Variants in CSMD3 observed in about 807,000 individuals in gnomAD.
CSMD3 encodes CUB and Sushi multiple domains 3.
A neutral mutation model predicts 435.2 loss-of-function variants in CSMD3; 177 were observed. The observed-to-expected ratio is 0.41, with a 90% CI of 0.36 to 0.46. The LOEUF (loss-of-function observed/expected upper bound fraction) is 0.46. Among genes scored for constraint, CSMD3 ranks in the 20% least tolerant of loss-of-function variants. CSMD3 has a pLI of 0.34. For missense variants in CSMD3, 4,265 were observed against 4,504.6 expected (o/e 0.95, Z 1.52); for synonymous variants, 1,656 against 1,520.5 (o/e 1.09, Z -2.07).
intron 1 of CSMD3, among the ~76,000 whole-genome samples, chr8:113,325,946 C>T (rs1191651138): frequency 6.6e-6 from 1 of 152,084 alleles, no homozygotes; most frequent in South Asian, 2.1e-4. Flanking sequence ...AATATTTCTT[C>T]CTAACATATT....
chr8:113,282,337 C>T (rs530444809), intron 2 of CSMD3, among the ~76,000 whole-genome samples: 2 of 151,948 alleles, frequency 1.3e-5, no homozygotes, highest in Non-Finnish European at 2.9e-5. Context: ...CTAAGGACTC[C>T]TCCAGAAAGC....
At chr8:113,326,229 T>A (rs766426216) in intron 1 of CSMD3, among the ~76,000 whole-genome samples, 23 of 152,176 alleles carry the variant, frequency 1.5e-4, no homozygotes, top group Non-Finnish European at 3.2e-4. Flanking sequence ...GCCCCCTTGT[T>A]TCTGACAGTC....
intron 8 of CSMD3, among the ~76,000 whole-genome samples, chr8:112,952,552 AAAC>A (rs1361406532): frequency 6.6e-6 from 1 of 151,648 alleles, no homozygotes; most frequent in Non-Finnish European, 1.5e-5. Flanking sequence ...ACTCTACTGC[AAAC>A]AACCATGAAA....
intron 22 of CSMD3, among the ~76,000 whole-genome samples, chr8:112,603,420 C>T (rs1376889051): frequency 1.3e-5 from 2 of 152,196 alleles, no homozygotes; most frequent in African/African-American, 4.8e-5. Flanking sequence ...ACTTGCAACA[C>T]TTGGGCTCAC....
intron 1 of CSMD3, among the ~76,000 whole-genome samples, chr8:113,375,544 C>CACACAA (rs2094376721): frequency 2.4e-5 from 3 of 123,208 alleles, no homozygotes; most frequent in Non-Finnish European, 5.2e-5. Flanking sequence ...CACACACACA[C>CACACAA]ACGTGTCATG....
At position 112,263,683 on chromosome 8, in the gene CSMD3, C is replaced by G. The variant is rs1447711245; in HGVS notation, c.9818G>C (p.Cys3273Ser). 6.2e-7 allele frequency: 1 copy of G among 1,613,556 alleles called. No individual in the cohort carries two copies. The highest frequency in any genetic ancestry group is 1.3e-5 in the African/African-American group (1 of 74,896). Residue 3273 changes from cysteine (C) to serine (S), a missense_variant, in exon 61 of 71, where the codon TGT (cysteine) becomes TCT (serine). Cys to Ser is a moderately radical substitution (Grantham distance 112). Coordinates refer to ENST00000297405, the MANE Select transcript of CSMD3 (RefSeq NM_198123.2). Reference protein sequence around the residue: ...YELSFPAVLTCVGNGTWSGEV... With the variant: ...YELSFPAVLTSVGNGTWSGEV... ...ACCACTCCAGGTACCATTCCCTACA[C>G]AGGTCAAAACAGCAGGGAAGGATAG...
At chr8:112,731,321 T>C (rs1225994639) in intron 13 of CSMD3, among the ~76,000 whole-genome samples, 4 of 152,128 alleles carry the variant, frequency 2.6e-5, no homozygotes, top group Non-Finnish European at 4.4e-5. Flanking sequence ...GGTCATACCA[T>C]AGTAATGACA....
intron 38 of CSMD3, among the ~76,000 whole-genome samples, chr8:112,380,141 A>G (rs1006596018): frequency 2.0e-5 from 3 of 152,218 alleles, no homozygotes; most frequent in Non-Finnish European, 4.4e-5. Context: ...CTTACTCAAC[A>G]ACAAAAAAAC....
chr8:112,600,647 A>G (rs1832255684), intron 22 of CSMD3, among the ~76,000 whole-genome samples: 1 of 152,074 alleles, frequency 6.6e-6, no homozygotes. Flanking sequence ...GTAAGGAAAC[A>G]TGTCATAATA....
chr8:112,903,727 T>C (rs949717534), intron 10 of CSMD3, among the ~76,000 whole-genome samples: 3 of 151,336 alleles, frequency 2.0e-5, no homozygotes, highest in African/African-American at 7.3e-5. Context: ...CAATCGTCCT[T>C]ATTCTTACTA....
At chr8:112,651,689 CA>C (rs1445140074) in intron 18 of CSMD3, among the ~76,000 whole-genome samples, 2 of 152,070 alleles carry the variant, frequency 1.3e-5, no homozygotes, top group Non-Finnish European at 2.9e-5. Context: ...AGGCACATGC[CA>C]CCATTCCCGG....
intron 10 of CSMD3, among the ~76,000 whole-genome samples, chr8:112,863,316 A>G (rs955772352): frequency 6.6e-6 from 1 of 151,824 alleles, no homozygotes; most frequent in African/African-American, 2.4e-5. Context: ...TAATAGTTTT[A>G]TTATATTATA....
chr8:112,576,940 G>T (rs1829993179), intron 23 of CSMD3, among the ~76,000 whole-genome samples: 1 of 151,790 alleles, frequency 6.6e-6, no homozygotes, highest in Non-Finnish European at 1.5e-5. Flanking sequence ...TTTCAGGAAA[G>T]AAAAATTATT....
chr8:112,942,653 T>C (rs2083486764), intron 9 of CSMD3, among the ~76,000 whole-genome samples: 1 of 151,722 alleles, frequency 6.6e-6, no homozygotes, highest in South Asian at 2.1e-4. Flanking sequence ...AAGTAAGAAC[T>C]AAACATTGAG....
rs563792284 is a variant in CSMD3 at position 113,334,715 on chromosome 8, T to C, written c.179-19922A>G. ...GAGATTTCTCTTTTCTTTGCACTTT[T>C]GTAATTGTGAATTCTATTTTCTTAA... On this transcript the variant is annotated intron_variant, in intron 1 of 70. Coordinates refer to ENST00000297405, the MANE Select transcript of CSMD3 (RefSeq NM_198123.2). Among the ~76,000 whole-genome samples the C allele has an allele frequency of 2.0e-4, 30 of 152,262 alleles. No homozygotes were observed. In the East Asian group the frequency reaches 5.2e-3, roughly 26 times the overall value.
chr8:113,296,356 T>C (rs1261901603), intron 2 of CSMD3, among the ~76,000 whole-genome samples: 2 of 151,288 alleles, frequency 1.3e-5, no homozygotes, highest in African/African-American at 2.4e-5. Flanking sequence ...ACATCTCTAC[T>C]AAAATACAAA....
At chr8:112,673,487 T>G (rs191734903) in intron 16 of CSMD3, among the ~76,000 whole-genome samples, 99 of 152,180 alleles carry the variant, frequency 6.5e-4, no homozygotes, top group Admixed American at 2.3e-3. Context: ...ACCTAAATAC[T>G]TAACTAAAGG....
At chr8:112,553,758 A>C (rs1827884863) in intron 25 of CSMD3, among the ~76,000 whole-genome samples, 1 of 152,034 alleles carries the variant, frequency 6.6e-6, no homozygotes, top group African/African-American at 2.4e-5. Flanking sequence ...AAAGCAGGAA[A>C]GTTTTAGCAT....
At chr8:112,567,763 T>G (rs898416128) in intron 24 of CSMD3, among the ~76,000 whole-genome samples, 2 of 152,056 alleles carry the variant, frequency 1.3e-5, no homozygotes, top group Non-Finnish European at 1.5e-5. Context: ...CAGAGTGATG[T>G]TTTAGGAAGG....
Sources: allele counts gnomAD v4.1 joint callset (sites outside exome capture counted in the v4.1 genomes callset), GRCh38; gene constraint gnomAD v4.1.1; transcripts MANE v1.5; gene names NCBI Gene and HGNC (gene_info 2026-07-23, HGNC 2026-07-21).